TEX14: variants seen among roughly 807,000 people sequenced by gnomAD.
TEX14 encodes inactive serine/threonine-protein kinase TEX14.
Under a neutral mutation model 178.6 loss-of-function variants are expected in TEX14, and 168 were observed. That is an observed-to-expected ratio of 0.94 (90% confidence interval 0.83 to 1.07). The LOEUF is 1.07. Among genes scored for constraint, TEX14 ranks in the 50% least tolerant of loss-of-function variants. TEX14 has a pLI of 0.00. For missense variants in TEX14, 1,730 were observed against 1,753.6 expected (o/e 0.99, Z 0.24); for synonymous variants, 626 against 634.1 (o/e 0.99, Z 0.19).
At position 58,651,948 on chromosome 17, in the gene TEX14, T is replaced by G; in HGVS notation, c.54A>C (p.Leu18Phe). 8.1e-6 allele frequency: 13 copies of G among 1,613,386 alleles called. No homozygotes were observed. The highest frequency in any genetic ancestry group is 1.1e-5 in the Non-Finnish European group (13 of 1,179,840). ...GCTGAGCTTCCAGGGAGTCATTTCT[T>G]AAGGTACCAAGTTGAACAGGACAGG... is the stretch of plus-strand genomic sequence containing the variant. ...PVPCPVQLGT[L>F]RNDSLEAQLH... Residue 18 changes from leucine to phenylalanine, a missense_variant, in exon 2 of 32, where the codon TTA becomes TTC. Physicochemically the swap from Leu to Phe is conservative, Grantham distance 22 (BLOSUM62 0). Around this residue, in one of 2 missense-constraint regions of TEX14, gnomAD observed 789 missense variants for 681.2 expected, o/e 1.16. Transcript: ENST00000349033.
chr17:58,650,666 TG>T (rs1252195754), intron 2 of TEX14, among the ~76,000 whole-genome samples: 77 of 152,184 alleles, frequency 5.1e-4, no homozygotes, highest in African/African-American at 1.8e-3. Context: ...CTCACAGTGT[TG>T]CCCAGGCTGG....
intron 26 of TEX14, among the ~76,000 whole-genome samples, chr17:58,566,597 G>A (rs1353590870): frequency 6.6e-6 from 1 of 151,802 alleles, no homozygotes; most frequent in Non-Finnish European, 1.5e-5. Context: ...TCAGGAGTTC[G>A]AGCCCAGCCT....
chr17:58,565,848 G>C, intron 26 of TEX14, 24 bp from the exon 27 acceptor site: 1 of 1,583,670 alleles, frequency 6.3e-7, no homozygotes, highest in Non-Finnish European at 8.6e-7. Context: ...AAAGCCAAAG[G>C]AAACTTATTT....
At chr17:58,587,847 A>ACCCCCCCCCCCC in intron 16 of TEX14, 49 bp downstream of exon 16, 5 of 621,338 alleles carry the variant, frequency 8.0e-6, no homozygotes, top group East Asian at 3.6e-5. Context: ...GCCAGAACCC[A>ACCCCCCCCCCCC]CCCCCACCCC....
intron 1 of TEX14, among the ~76,000 whole-genome samples, chr17:58,688,122 G>A (rs1398850173): frequency 6.6e-6 from 1 of 151,840 alleles, no homozygotes; most frequent in Non-Finnish European, 1.5e-5. Context: ...GACTTTTTTT[G>A]TTTTGTTTTG....
intron 11 of TEX14, 114 bp downstream of exon 11, chr17:58,604,864 A>C: frequency 1.6e-6 from 2 of 1,240,224 alleles, no homozygotes; most frequent in East Asian, 2.4e-5. Flanking sequence ...CCCAGCCAAG[A>C]AGTCTCTTTT....
In TEX14 at chr17:58,601,934, G is replaced by A; in HGVS notation, c.1550C>T (p.Thr517Ile). The A allele has an allele frequency of 1.2e-6, 2 of 1,613,244 alleles. No individual in the cohort carries two copies. The highest frequency in any genetic ancestry group is 1.7e-6 in the Non-Finnish European group (2 of 1,179,990). The part of the protein sequence containing the change: ...DLKDFTGAQR[T>I]QPTESPRVQR... The stretch of plus-strand genomic sequence containing the variant: ...CACTCTGGGGCTCTCGGTTGGTTGA[G>A]TTCTCTGGGCTCCAGTAAAATCCTG... The change falls in exon 13 of 32, where the codon ACT (threonine) becomes ATT (isoleucine). Residue 517 changes from threonine (T) to isoleucine (I), a missense_variant. By Grantham distance (89) the Thr-to-Ile change is moderately conservative. Transcript: ENST00000349033.
chr17:58,635,798 C>A (rs1024906067), intron 2 of TEX14, among the ~76,000 whole-genome samples: 8 of 151,786 alleles, frequency 5.3e-5, no homozygotes, highest in African/African-American at 1.9e-4. Flanking sequence ...GTGGTGCGAT[C>A]TTGGCTCACC....
At chr17:58,591,189 T>C (rs1160322318) in intron 15 of TEX14, among the ~76,000 whole-genome samples, 1 of 152,200 alleles carries the variant, frequency 6.6e-6, no homozygotes, top group Non-Finnish European at 1.5e-5. Context: ...TAGGTAGTTC[T>C]TCATTATTCC....
intron 1 of TEX14, among the ~76,000 whole-genome samples, chr17:58,665,772 G>A (rs138903430): frequency 0.016 from 2,391 of 152,052 alleles, 64 homozygotes; most frequent in African/African-American, 0.054. Context: ...AAGGCTGGGC[G>A]CGGTGGCTCA....
intron 28 of TEX14, among the ~76,000 whole-genome samples, chr17:58,563,427 T>C (rs1270500952): frequency 6.6e-6 from 1 of 150,958 alleles, no homozygotes; most frequent in Non-Finnish European, 1.5e-5. Flanking sequence ...CAAAATGAAG[T>C]AAAAATAAAC....
intron 1 of TEX14, among the ~76,000 whole-genome samples, chr17:58,687,479 G>A (rs1386919749): frequency 6.6e-6 from 1 of 151,826 alleles, no homozygotes; most frequent in East Asian, 1.9e-4. Context: ...AACAGAATCG[G>A]GTGCTCTACC....
intron 15 of TEX14, among the ~76,000 whole-genome samples, chr17:58,593,040 A>G (rs1439298229): frequency 2.0e-5 from 3 of 152,120 alleles, no homozygotes; most frequent in Non-Finnish European, 2.9e-5. Context: ...TTATATATAC[A>G]TATATGTGTA....
chr17:58,625,742 ATTTG>A (rs1054974814), intron 3 of TEX14, among the ~76,000 whole-genome samples: 5 of 151,888 alleles, frequency 3.3e-5, no homozygotes, highest in South Asian at 2.1e-4. Context: ...GCTTTCATTT[ATTTG>A]TTTATTTATT....
intron 1 of TEX14, among the ~76,000 whole-genome samples, chr17:58,656,596 C>T (rs993284299): frequency 3.3e-5 from 5 of 149,984 alleles, no homozygotes; most frequent in Admixed American, 2.0e-4. Flanking sequence ...TCTACTAAAA[C>T]TACAAAAATT....
chr17:58,567,227 G>C (rs559071076), intron 26 of TEX14, among the ~76,000 whole-genome samples: 4 of 152,250 alleles, frequency 2.6e-5, no homozygotes, highest in African/African-American at 9.6e-5. Flanking sequence ...ACTAGACTAA[G>C]ACAAGCATCT....
At chr17:58,563,856 A>G (rs2044342535) in intron 28 of TEX14, among the ~76,000 whole-genome samples, 1 of 150,424 alleles carries the variant, frequency 6.6e-6, no homozygotes, top group Non-Finnish European at 1.5e-5. Context: ...GAACTCAGAC[A>G]TTTCTCCAAA....
At chr17:58,585,213 C>G (rs1598358530) in intron 18 of TEX14, among the ~76,000 whole-genome samples, 1 of 152,224 alleles carries the variant, frequency 6.6e-6, no homozygotes, top group East Asian at 1.9e-4. Context: ...TCGCCAAAAC[C>G]AGGGTCAGTA....
chr17:58,609,418 T>C (rs1304715380), intron 10 of TEX14, among the ~76,000 whole-genome samples: 1 of 152,206 alleles, frequency 6.6e-6, no homozygotes, highest in Non-Finnish European at 1.5e-5. Flanking sequence ...TAATTTTGTA[T>C]TTTTAGTAGA....
Sources: gnomAD v4.1 joint callset for allele counts (sites outside exome capture counted in the v4.1 genomes callset) on GRCh38, gnomAD v4.1.1 for gene constraint, gnomAD v4.1.1 regional missense constraint, MANE v1.5 for transcripts, NCBI Gene and HGNC (gene_info 2026-07-23, HGNC 2026-07-21) for gene names.